DYNC1H1: variants seen among roughly 807,000 people sequenced by gnomAD.
The protein encoded by DYNC1H1 is cytoplasmic dynein 1 heavy chain 1.
A neutral mutation model predicts 527.1 loss-of-function variants in DYNC1H1; 51 were observed. The ratio of observed to expected loss-of-function variants is 0.10; its 90% confidence interval spans 0.08 to 0.12. The LOEUF (loss-of-function observed/expected upper bound fraction) is 0.12, where lower values mean the gene tolerates loss of function less well. Ranked by LOEUF, DYNC1H1 falls within the 10% of genes least tolerant of loss-of-function variation. The pLI, the probability that DYNC1H1 is intolerant of heterozygous loss-of-function variation, is 1.00. For synonymous variants in DYNC1H1, 2,189 were observed against 2,278.8 expected (o/e 0.96, Z 1.12); for missense variants, 2,771 against 5,971.8 (o/e 0.46, Z 17.66).
At chr14:101,992,074 C>T (rs1040231435) in intron 11 of DYNC1H1, among the ~76,000 whole-genome samples, 25 of 152,068 alleles carry the variant, frequency 1.6e-4, no homozygotes, top group African/African-American at 5.6e-4. Context: ...CTCTCCACCC[C>T]CACCAGATTA....
At chr14:102,003,194 T>G (rs1355232054) in intron 23 of DYNC1H1, among the ~76,000 whole-genome samples, 4 of 152,198 alleles carry the variant, frequency 2.6e-5, no homozygotes, top group Admixed American at 6.5e-5. Flanking sequence ...TCTTAAATCC[T>G]TAATTTAACT....
chr14:102,033,917 A>T lies in DYNC1H1; in HGVS notation c.10414-59A>T. 6.3e-7 allele frequency: 1 copy of T among 1,583,502 alleles called. No homozygotes were observed. Among genetic ancestry groups the T allele is most frequent in the Non-Finnish European group, 8.7e-7 (1 of 1,155,668 alleles). ...TAATGTGGATGAACCGATTTGCAGG[A>T]TTCGGTATAAATCCTGAAAGGCCTC... On this transcript the variant is annotated intron_variant, in intron 54 of 77. Transcript: ENST00000360184. This position sits in a 1 kb window ranked among gnomAD's most constrained non-coding sequence, Gnocchi z 5.6.
intron 56 of DYNC1H1, chr14:102,034,778 TAGCC>T: frequency 2.5e-6 from 1 of 402,218 alleles, no homozygotes; most frequent in Admixed American, 3.6e-5. Flanking sequence ...ACAAAAAAAT[TAGCC>T]AGGCGTGGTG....
At position 102,008,264 on chromosome 14, in the gene DYNC1H1, C is replaced by T. The variant is rs770335425; in HGVS notation, c.5904C>T (p.Leu1968=). 5.6e-6 allele frequency: 9 copies of T among 1,614,104 alleles called. No individual in the cohort carries two copies. In the Admixed American group the frequency reaches 1.3e-4, roughly 24 times the overall value. ...TCAACCGCCTGGAGGAGCGGATGCTCTCGGCTGTGTCCCAGCAGGTGCAGT... is the reference window on the plus strand; with the variant it reads ...TCAACCGCCTGGAGGAGCGGATGCTTTCGGCTGTGTCCCAGCAGGTGCAGT... ...DEFNRLEERM[L]SAVSQQVQCI... The change falls in exon 29 of 78, where the codon CTC becomes CTT. Residue 1968 remains leucine, a synonymous_variant. Transcript: ENST00000360184.
chr14:102,035,720 C>T (rs900020902), intron 56 of DYNC1H1: 1 of 152,262 alleles, frequency 6.6e-6, no homozygotes, highest in African/African-American at 2.4e-5. Context: ...AGGCCTCCCA[C>T]GAGGCCACAA....
Position 101,971,234 on chromosome 14 carries a change from C to G in DYNC1H1, c.257-4478C>G, listed in dbSNP as rs117449638. Among the ~76,000 whole-genome samples, 820 of 151,320 alleles carry G rather than the reference C, an allele frequency of 5.4e-3. 16 individuals are homozygous for G. The highest frequency in any genetic ancestry group is 0.037 in the East Asian group (185 of 5,058). ...CGCCACAGACATGCACCACCACGCTCTGCTAATTTTTGTATTTTTTGTAGA... is the reference window on the plus strand; with the variant it reads ...CGCCACAGACATGCACCACCACGCTGTGCTAATTTTTGTATTTTTTGTAGA... On this transcript the variant is annotated intron_variant, in intron 1 of 77. Transcript: ENST00000360184.
intron 43 of DYNC1H1, 197 bp downstream of exon 43, chr14:102,023,077 A>G (rs952021407): frequency 1.2e-6 from 1 of 800,730 alleles, no homozygotes; most frequent in Non-Finnish European, 2.0e-6. Context: ...AGCCTGGGCA[A>G]CATAGTAAGA....
Position 102,027,440 on chromosome 14 carries a change from C to T in DYNC1H1, c.8944C>T (p.Arg2982Cys), listed in dbSNP as rs759558372. ...FDEDLRTVLR[R>C]SGCKNEKIAF... ...TGAAGATCTACGGACAGTGTTGAGA[C>T]GTTCTGGCTGTAAAAATGAAAAGAT... Residue 2982 changes from arginine (R) to cysteine (C), a missense_variant, in exon 46 of 78, where the codon CGT (arginine) becomes TGT (cysteine). Around this residue, in one of 32 missense-constraint regions of DYNC1H1, gnomAD observed 84 missense variants for 285.4 expected, o/e 0.29. Coordinates refer to ENST00000360184, the MANE Select transcript of DYNC1H1 (RefSeq NM_001376.5). The surrounding 1 kb of genome is among the most constrained non-coding windows in gnomAD (Gnocchi z 7.7). 1.2e-6 allele frequency: 2 copies of T among 1,613,974 alleles called. No homozygotes were observed. The highest frequency in any genetic ancestry group is 8.5e-7 in the Non-Finnish European group (1 of 1,180,034).
chr14:101,967,543 T>G (rs2047682269), intron 1 of DYNC1H1, among the ~76,000 whole-genome samples: 1 of 152,196 alleles, frequency 6.6e-6, no homozygotes, highest in Non-Finnish European at 1.5e-5. Flanking sequence ...CTTTTGTTGT[T>G]AAAGTGCAGC....
chr14:102,029,502 T>G lies in DYNC1H1; in HGVS notation c.9469-37T>G, dbSNP rs200398882. ...TTTTCTGAGGTTAAGTCACAGAGTTTCCTGAAGAGTGAGAAGATGTAACTA... is the reference window on the plus strand; with the variant it reads ...TTTTCTGAGGTTAAGTCACAGAGTTGCCTGAAGAGTGAGAAGATGTAACTA... On this transcript the variant is annotated intron_variant, in intron 48 of 77. Transcript: ENST00000360184. The surrounding 1 kb of genome is among the most constrained non-coding windows in gnomAD (Gnocchi z 5.3). 1.1e-4 allele frequency: 182 copies of G among 1,613,942 alleles called. No individual in the cohort carries two copies. The East Asian group carries it at 4.0e-3, about 35-fold the overall frequency.
chr14:101,990,827 G>A (rs942304699), intron 10 of DYNC1H1, among the ~76,000 whole-genome samples: 4 of 152,010 alleles, frequency 2.6e-5, no homozygotes, highest in African/African-American at 9.7e-5. Context: ...TGTCCAACAT[G>A]GTGAAACCCC....
At position 102,010,663 on chromosome 14, in the gene DYNC1H1, T is replaced by TCACG; in HGVS notation, c.6406-73_6406-70dup. The TCACG allele has an allele frequency of 1.3e-6, 2 of 1,586,198 alleles. No homozygotes were observed. Among genetic ancestry groups the TCACG allele is most frequent in the Non-Finnish European group, 1.7e-6 (2 of 1,158,654 alleles). ...CCCTTTGTTCACCAACAGTTACTGA[T>TCACG]CACGCACCTCCTGGGGATGCAGCGG... On this transcript the variant is annotated intron_variant, in intron 31 of 77. Coordinates refer to ENST00000360184, the MANE Select transcript of DYNC1H1 (RefSeq NM_001376.5). This position sits in a 1 kb window ranked among gnomAD's most constrained non-coding sequence, Gnocchi z 6.0.
intron 1 of DYNC1H1, among the ~76,000 whole-genome samples, chr14:101,967,600 G>A (rs2047682952): frequency 6.6e-6 from 1 of 152,186 alleles, no homozygotes. Flanking sequence ...AGCACTTTGG[G>A]AGACCAAGGC....
chr14:101,970,473 G>GTTTTTTTTTTTTTTTTTTTTTTTT (rs958653217), intron 1 of DYNC1H1, among the ~76,000 whole-genome samples: 1 of 81,436 alleles, frequency 1.2e-5, no homozygotes, highest in African/African-American at 4.6e-5. Flanking sequence ...GTTTGTTGTT[G>GTTTTTTTTTTTTTTTTTTTTTTTT]TTTTTTTTTT....
chr14:102,041,332 C>T lies in DYNC1H1; in HGVS notation c.11942-242C>T, dbSNP rs1383565679. On this transcript the variant is annotated intron_variant, in intron 64 of 77. Transcript: ENST00000360184. The surrounding 1 kb of genome is among the most constrained non-coding windows in gnomAD (Gnocchi z 4.5). The stretch of plus-strand genomic sequence containing the variant: ...AGTGAGCAGGTATTAGTTTAGTAAT[C>T]TAAAAATCAGCAAATGGCACCTTTG... 1.7e-6 allele frequency: 1 copy of T among 592,828 alleles called. No individual in the cohort carries two copies. Among genetic ancestry groups the T allele is most frequent in the Non-Finnish European group, 3.0e-6 (1 of 334,160 alleles). 36.7% of individuals were successfully genotyped at this position (592,828 alleles called of 1,614,324 possible).
In DYNC1H1 at chr14:102,027,335, C is replaced by T; in HGVS notation, c.8886+47C>T. Reference sequence around the variant, plus strand: ...TTAATCCCAGCAACAGATGTGTGTGCAGAGCTCAGTGAGTAGGAATGGACC... The same window carrying T: ...TTAATCCCAGCAACAGATGTGTGTGTAGAGCTCAGTGAGTAGGAATGGACC... On this transcript the variant is annotated intron_variant, in intron 45 of 77. Coordinates refer to ENST00000360184, the MANE Select transcript of DYNC1H1 (RefSeq NM_001376.5). This position sits in a 1 kb window ranked among gnomAD's most constrained non-coding sequence, Gnocchi z 7.7. The T allele has an allele frequency of 1.2e-6, 2 of 1,614,014 alleles. No homozygotes were observed. The highest frequency in any genetic ancestry group is 1.7e-6 in the Non-Finnish European group (2 of 1,179,984).
intron 51 of DYNC1H1, among the ~76,000 whole-genome samples, chr14:102,031,404 T>C (rs1567018451): frequency 6.6e-6 from 1 of 152,152 alleles, no homozygotes; most frequent in East Asian, 1.9e-4. Context: ...CCAGCTAATT[T>C]TTGTATTTTT....
At position 102,010,637 on chromosome 14, in the gene DYNC1H1, A is replaced by G. The variant is rs1454294021; in HGVS notation, c.6406-103A>G. On this transcript the variant is annotated intron_variant, in intron 31 of 77. Transcript: ENST00000360184. The surrounding 1 kb of genome is among the most constrained non-coding windows in gnomAD (Gnocchi z 6.0). Reference sequence around the variant, plus strand: ...ACGAATGTGGGCGAGTGGTGCTCGCACCCTTTGTTCACCAACAGTTACTGA... The same window carrying G: ...ACGAATGTGGGCGAGTGGTGCTCGCGCCCTTTGTTCACCAACAGTTACTGA... The G allele has an allele frequency of 2.0e-6, 3 of 1,537,522 alleles. No individual in the cohort carries two copies. The highest frequency in any genetic ancestry group is 1.4e-5 in the African/African-American group (1 of 73,208).
Position 102,049,818 on chromosome 14 carries a change from C to T in DYNC1H1, c.13620C>T (p.Cys4540=). 6.2e-7 allele frequency: 1 copy of T among 1,613,904 alleles called. No individual in the cohort carries two copies. Among genetic ancestry groups the T allele is most frequent in the African/African-American group, 1.3e-5 (1 of 75,064 alleles). ...QANSWSLEEL[C]LEVNVTTSQG... ...ACAGCTGGTCCCTGGAGGAGCTCTG[C>T]CTGGAAGTCAACGTCACCACCTCAC... The change falls in exon 76 of 78, where the codon TGC becomes TGT. Residue 4540 remains cysteine (C), a synonymous_variant. Coordinates refer to ENST00000360184, the MANE Select transcript of DYNC1H1 (RefSeq NM_001376.5). The surrounding 1 kb of genome is among the most constrained non-coding windows in gnomAD (Gnocchi z 5.5).
Sources: allele counts gnomAD v4.1 joint callset (sites outside exome capture counted in the v4.1 genomes callset), GRCh38; gene constraint gnomAD v4.1.1; regional missense constraint gnomAD v4.1.1; non-coding constraint Gnocchi (gnomAD v3.1); transcripts MANE v1.5; gene names NCBI Gene and HGNC (gene_info 2026-07-23, HGNC 2026-07-21).